Variants in MGRN1 observed in about 807,000 individuals in gnomAD.
MGRN1 encodes the protein E3 ubiquitin-protein ligase MGRN1.
In MGRN1, 29 loss-of-function variants were observed where a neutral mutation model predicts 69.2. That is an observed-to-expected ratio of 0.42 (90% CI 0.31 to 0.57). The LOEUF is 0.57. Ranked by LOEUF, MGRN1 falls within the 20% of genes least tolerant of loss-of-function variation. The probability of loss-of-function intolerance (pLI) is 0.15; values close to 1 mark genes in which losing one functional copy is unlikely to be tolerated. For missense variants in MGRN1, 998 were observed against 796.2 expected (o/e 1.25, Z -3.05); for synonymous variants, 470 against 344.2 (o/e 1.37, Z -4.04).
In MGRN1 at chr16:4,684,786, C is replaced by G. The variant is rs114182485; in HGVS notation, c.1618+854C>G. 7.1e-3 allele frequency among the ~76,000 whole-genome samples: 1,087 copies of G among 152,370 alleles called. 9 individuals are homozygous for G. Among genetic ancestry groups the G allele is most frequent in the African/African-American group, 0.025 (1,028 of 41,590 alleles). On this transcript the variant is annotated intron_variant, in intron 16 of 16. Coordinates refer to ENST00000262370, the MANE Select transcript of MGRN1 (RefSeq NM_015246.4). The stretch of plus-strand genomic sequence containing the variant: ...GAGGCTGTCTGCGGCTCTGGAACTG[C>G]GATAAACAGCCACGGTGCTTTCAGA...
intron 5 of MGRN1, among the ~76,000 whole-genome samples, chr16:4,658,542 A>G (rs200835118): frequency 3.6e-5 from 2 of 56,322 alleles, no homozygotes; most frequent in Admixed American, 1.8e-4. Flanking sequence ...TCTCAGAAAA[A>G]AAAAAAACAA....
intron 16 of MGRN1, 120 bp downstream of exon 16, chr16:4,684,052 T>G: frequency 1.1e-6 from 1 of 877,776 alleles, no homozygotes; most frequent in Non-Finnish European, 1.7e-6. Context: ...CCTGGTTCTC[T>G]CCCTGGCTCT....
chr16:4,632,007 C>CTTTTTTT lies in MGRN1; in HGVS notation c.88+6977_88+6983dup, dbSNP rs869090061. Among the ~76,000 whole-genome samples, 354 of 64,856 alleles carry CTTTTTTT rather than the reference C, an allele frequency of 5.5e-3. 32 individuals carry two copies. The highest frequency in any genetic ancestry group is 0.011 in the African/African-American group (159 of 14,546). 42.5% of individuals were successfully genotyped at this position (64,856 alleles called of 152,430 possible). On this transcript the variant is annotated intron_variant, in intron 1 of 16. Transcript: ENST00000262370. ...CAATCTAGTAGTGATAAAAAATTTC[C>CTTTTTTT]TTTTTTTTTTTTTTTTTTTTTTTTG...
chr16:4,653,123 C>T lies in MGRN1; in HGVS notation c.443+299C>T, dbSNP rs537463007. On this transcript the variant is annotated intron_variant, in intron 4 of 16. Transcript: ENST00000262370. ...CCCCACTTCAGATGCCACTCATAAGCCCCCGCTGTCACCTGAACTTCTCAG... is the reference window on the plus strand; with the variant it reads ...CCCCACTTCAGATGCCACTCATAAGTCCCCGCTGTCACCTGAACTTCTCAG... 7.2e-5 allele frequency among the ~76,000 whole-genome samples: 11 copies of T among 152,312 alleles called. No individual in the cohort carries two copies. The South Asian group carries it at 8.3e-4, about 11-fold the overall frequency.
intron 10 of MGRN1, among the ~76,000 whole-genome samples, chr16:4,674,863 A>C (rs2079022242): frequency 6.8e-6 from 1 of 146,222 alleles, no homozygotes; most frequent in South Asian, 2.2e-4. Flanking sequence ...GATGGTCTCG[A>C]TCTCCTGACC....
At chr16:4,636,291 C>T (rs1210087887) in intron 1 of MGRN1, among the ~76,000 whole-genome samples, 2 of 151,728 alleles carry the variant, frequency 1.3e-5, no homozygotes, top group Middle Eastern at 3.2e-3. Context: ...TGGGTGACTT[C>T]TGCTTGGGTT....
At chr16:4,636,186 A>G (rs1898279548) in intron 1 of MGRN1, among the ~76,000 whole-genome samples, 1 of 152,136 alleles carries the variant, frequency 6.6e-6, no homozygotes, top group Non-Finnish European at 1.5e-5. Flanking sequence ...TGAGAAAAAT[A>G]GAGCAGTACC....
intron 13 of MGRN1, among the ~76,000 whole-genome samples, chr16:4,682,316 G>A (rs2079204294): frequency 1.3e-5 from 2 of 152,248 alleles, no homozygotes; most frequent in African/African-American, 4.8e-5. Context: ...CTGGCTCCTG[G>A]GGTTGGCCAC....
At chr16:4,655,763 A>G (rs531032794) in intron 4 of MGRN1, among the ~76,000 whole-genome samples, 2 of 152,342 alleles carry the variant, frequency 1.3e-5, no homozygotes, top group South Asian at 4.1e-4. Context: ...GCACCCGGAC[A>G]CCATCCAGCC....
intron 9 of MGRN1, 93 bp from the exon 10 acceptor site, chr16:4,673,405 G>C: frequency 6.7e-7 from 1 of 1,494,594 alleles, no homozygotes; most frequent in Non-Finnish European, 9.1e-7. Context: ...CCCCAGGGTA[G>C]GGTGGAGTGG....
At chr16:4,687,868 C>A in intron 16 of MGRN1, 1 of 985,524 alleles carries the variant, frequency 1.0e-6, no homozygotes, top group Non-Finnish European at 1.2e-6. Flanking sequence ...CCTCTGTCTT[C>A]TTGAGCCCAG....
At position 4,631,881 on chromosome 16, in the gene MGRN1, A is replaced by G. The variant is rs909938571; in HGVS notation, c.88+6833A>G. On this transcript the variant is annotated intron_variant, in intron 1 of 16. Coordinates refer to ENST00000262370, the MANE Select transcript of MGRN1 (RefSeq NM_015246.4). ...CATGAACATGGTATATCTCTACATT[A>G]ATTTTGATATTTAGCTTCTCAGTTG... Among the ~76,000 whole-genome samples, 21 of 130,552 alleles carry G rather than the reference A, an allele frequency of 1.6e-4. No homozygotes were observed. The Admixed American group carries it at 1.8e-3, about 11-fold the overall frequency. The allele number at this position is 130,552 out of a possible 152,430, so 85.6% of individuals were successfully genotyped here. A position where few individuals can be genotyped will look rare whatever the true frequency, so the allele number is the denominator to read the frequency against.
rs377044092 is a variant in MGRN1, at chr16:4,645,088, T to C, written c.89-5277T>C. Among the ~76,000 whole-genome samples, 41 of 150,962 alleles carry C rather than the reference T, an allele frequency of 2.7e-4. 1 individual carries two copies. In the East Asian group the frequency reaches 5.7e-3, roughly 21 times the overall value. On this transcript the variant is annotated intron_variant, in intron 1 of 16. Transcript: ENST00000262370. Reference sequence around the variant, plus strand: ...TGTTTTAGTTTGTAGCATTTGTTTCTCTGAAGTTATTTATATGTATATATG... The same window carrying C: ...TGTTTTAGTTTGTAGCATTTGTTTCCCTGAAGTTATTTATATGTATATATG...
At chr16:4,683,196 C>T in intron 14 of MGRN1, 28 bp from the exon 15 acceptor site, 4 of 1,612,842 alleles carry the variant, frequency 2.5e-6, no homozygotes, top group Non-Finnish European at 3.4e-6. Context: ...TCTCTGAGCT[C>T]TAGGCTACTT....
intron 5 of MGRN1, among the ~76,000 whole-genome samples, chr16:4,658,376 A>G (rs561391885): frequency 1.3e-5 from 2 of 152,078 alleles, no homozygotes; most frequent in Admixed American, 1.3e-4. Context: ...TCTACTAAAA[A>G]TACAAAAAAA....
Position 4,653,832 on chromosome 16 carries a change from A to C in MGRN1, c.443+1008A>C, listed in dbSNP as rs540596430. Among the ~76,000 whole-genome samples the C allele has an allele frequency of 3.3e-5, 5 of 151,802 alleles. No individual in the cohort carries two copies. The East Asian group carries it at 9.7e-4, about 29-fold the overall frequency. On this transcript the variant is annotated intron_variant, in intron 4 of 16. Coordinates refer to ENST00000262370, the MANE Select transcript of MGRN1 (RefSeq NM_015246.4). ...CAATGGTGTGATCTTGGCTCACTGC[A>C]ACCTCCGCCTCCTAGGTTCAAGTGC...
intron 5 of MGRN1, 50 bp from the exon 6 acceptor site, chr16:4,664,659 C>T (rs1351349663): frequency 6.3e-7 from 1 of 1,599,104 alleles, no homozygotes; most frequent in East Asian, 2.2e-5. Flanking sequence ...CTCCAGGCTT[C>T]CAGGCTTGGC....
intron 7 of MGRN1, among the ~76,000 whole-genome samples, chr16:4,665,683 T>A (rs1190782119): frequency 1.3e-5 from 2 of 148,328 alleles, no homozygotes; most frequent in Non-Finnish European, 3.0e-5. Flanking sequence ...TTTTTTTTTT[T>A]TTTTGAGGCG....
chr16:4,674,626 C>CTTTTTTTTTTTTTTTTT (rs71139654), intron 10 of MGRN1, among the ~76,000 whole-genome samples: 19 of 47,258 alleles, frequency 4.0e-4, no homozygotes, highest in South Asian at 2.2e-3. Flanking sequence ...CTTTTCTTTT[C>CTTTTTTTTTTTTTTTTT]TTTTTTTTTT....
Sources: allele counts gnomAD v4.1 joint callset (sites outside exome capture counted in the v4.1 genomes callset), GRCh38; gene constraint gnomAD v4.1.1; transcripts MANE v1.5; gene names NCBI Gene and HGNC (gene_info 2026-07-23, HGNC 2026-07-21).